The following BBS4 variants were observed in gnomAD, a reference collection of about 807,000 sequenced individuals.
BBS4 encodes the protein Bardet-Biedl syndrome 4, also known as BBSome complex member BBS4.
BBS4 carries 58 observed loss-of-function variants against 71.4 expected under a neutral mutation model. That is an observed-to-expected ratio of 0.81 (90% CI 0.66 to 1.01). The LOEUF is 1.01. Among genes scored for constraint, BBS4 ranks in the 50% least tolerant of loss-of-function variants. BBS4 has a pLI of 0.00. For missense variants in BBS4, 660 were observed against 607.9 expected (o/e 1.09, Z -0.90); for synonymous variants, 228 against 216.8 (o/e 1.05, Z -0.46).
At chr15:72,686,299 G>C (rs1369592021) in intron 1 of BBS4, 48 bp downstream of exon 1, 2 of 1,552,716 alleles carry the variant, frequency 1.3e-6, no homozygotes, top group African/African-American at 2.7e-5. Context: ...GGCAAGGCAA[G>C]CTGGCGGGTG....
At chr15:72,717,352 C>G (rs368705727) in intron 6 of BBS4, 2 of 153,160 alleles carry the variant, frequency 1.3e-5, no homozygotes, top group African/African-American at 4.8e-5. Context: ...ATTGGCTTTA[C>G]AAATTCGTTT....
At chr15:72,732,053 G>A (rs1450284606) in intron 12 of BBS4, among the ~76,000 whole-genome samples, 1 of 152,142 alleles carries the variant, frequency 6.6e-6, no homozygotes, top group South Asian at 2.1e-4. Context: ...CAAGTGTTAA[G>A]AGCTTGGGTT....
chr15:72,702,802 CTTTTTTTTTTTTT>C (rs59816410), intron 2 of BBS4, among the ~76,000 whole-genome samples: 1 of 73,486 alleles, frequency 1.4e-5, no homozygotes. Flanking sequence ...GGAGCTGACT[CTTTTTTTTTTTTT>C]TTTTTTTTTT....
chr15:72,692,444 T>G (rs2065002922), intron 1 of BBS4, among the ~76,000 whole-genome samples: 1 of 148,986 alleles, frequency 6.7e-6, no homozygotes. Flanking sequence ...GCCTCCCGAG[T>G]AGCTGAGACC....
At chr15:72,686,306 G>A in intron 1 of BBS4, 55 bp downstream of exon 1, 2 of 1,551,344 alleles carry the variant, frequency 1.3e-6, no homozygotes, top group Non-Finnish European at 1.7e-6. Context: ...CAAGCTGGCG[G>A]GTGGCTTTTG....
At chr15:72,704,930 G>A (rs973771086) in intron 2 of BBS4, among the ~76,000 whole-genome samples, 47 of 151,782 alleles carry the variant, frequency 3.1e-4, no homozygotes, top group East Asian at 2.9e-3. Flanking sequence ...CAAAAAAACA[G>A]CAACAATAAT....
chr15:72,736,679 C>T (rs1296227158), intron 14 of BBS4, 83 bp from the exon 15 acceptor site: 14 of 1,362,936 alleles, frequency 1.0e-5, no homozygotes, highest in African/African-American at 1.4e-5. Flanking sequence ...CAGCTAAAAC[C>T]CCAGCTCGAA....
rs141392671 is a variant in BBS4, at chr15:72,729,247, GTTTT to G, written c.643-353_643-350del. The stretch of plus-strand genomic sequence containing the variant: ...TGTTCTGGGTGAGGTTGGCCAGACT[GTTTT>G]TTTTTTTTTTTTTTTGGAGACGGAG... On this transcript the variant is annotated intron_variant, in intron 9 of 15. Transcript: ENST00000268057. Among the ~76,000 whole-genome samples the G allele has an allele frequency of 8.9e-4, 76 of 84,962 alleles. 1 individual carries two copies. The highest frequency in any genetic ancestry group is 2.6e-3 in the South Asian group (6 of 2,346). 55.7% of individuals were successfully genotyped at this position (84,962 alleles called of 152,430 possible). A position where few individuals can be genotyped will look rare whatever the true frequency, so the allele number is the denominator to read the frequency against.
chr15:72,735,120 G>T lies in BBS4; in HGVS notation c.1044G>T (p.Leu348=), dbSNP rs764816067. 6.2e-7 allele frequency: 1 copy of T among 1,613,384 alleles called. No homozygotes were observed. The highest frequency in any genetic ancestry group is 1.1e-5 in the South Asian group (1 of 91,028). ...GTGCTTTCTTTGTTGCAGTGGCTCT[G>T]ACCAATCTGGAAGATATAGAAAATG... ...GELYMLLAVA[L]TNLEDIENAK... The change falls in exon 13 of 16, where the codon CTG becomes CTT. Residue 348 remains leucine (L), a synonymous_variant. Transcript: ENST00000268057.
At chr15:72,686,429 T>A in intron 1 of BBS4, 178 bp downstream of exon 1, 1 of 1,533,934 alleles carries the variant, frequency 6.5e-7, no homozygotes, top group Non-Finnish European at 8.7e-7. Flanking sequence ...CTGGGGCAAG[T>A]CTGGATACTT....
intron 2 of BBS4, among the ~76,000 whole-genome samples, chr15:72,706,514 T>A (rs1384870145): frequency 1.3e-5 from 2 of 152,108 alleles, no homozygotes; most frequent in African/African-American, 4.8e-5. Context: ...CGTGTGGCTT[T>A]TTCGAAGGAG....
intron 6 of BBS4, among the ~76,000 whole-genome samples, chr15:72,718,280 ATTGTATTTTTAATTTCCAAAAATCTT>A (rs1336584003): frequency 6.6e-6 from 1 of 151,864 alleles, no homozygotes; most frequent in African/African-American, 2.4e-5. Flanking sequence ...ATTTCCTTTT[ATTGTATTTTTAATTTCCAAAAATCTT>A]GTCTTTTCTT....
intron 1 of BBS4, chr15:72,686,665 C>A: frequency 1.1e-6 from 1 of 928,152 alleles, no homozygotes; most frequent in Non-Finnish European, 1.5e-6. Context: ...GCCAGTGGAG[C>A]GGGACTGTGT....
rs780560947 is a variant in BBS4 at position 72,735,897 on chromosome 15, C to T, written c.1179C>T (p.Ala393=). ...AGGGCGAGAAGAAGAACGCCCTGGC[C>T]CAATATCAGGAGATGGAGAAGAAAG... The part of the protein sequence containing the change: ...YNQGEKKNAL[A]QYQEMEKKVS... The change falls in exon 14 of 16, where the codon GCC becomes GCT. Residue 393 remains alanine, a synonymous_variant. Transcript: ENST00000268057. The T allele has an allele frequency of 1.5e-5, 24 of 1,613,934 alleles. No homozygotes were observed. The Admixed American group carries it at 3.8e-4, about 26-fold the overall frequency.
intron 6 of BBS4, among the ~76,000 whole-genome samples, chr15:72,718,571 A>G (rs892761148): frequency 2.0e-5 from 3 of 152,236 alleles, no homozygotes; most frequent in Non-Finnish European, 4.4e-5. Context: ...TCTTCTGTAC[A>G]TCGGAAGATT....
chr15:72,691,062 A>G (rs1414227383), intron 1 of BBS4, among the ~76,000 whole-genome samples: 1 of 152,126 alleles, frequency 6.6e-6, no homozygotes, highest in Admixed American at 6.6e-5. Context: ...TCATTAACCA[A>G]ATGAGCCCCT....
At chr15:72,712,556 A>G (rs1326123593) in intron 4 of BBS4, among the ~76,000 whole-genome samples, 1 of 152,254 alleles carries the variant, frequency 6.6e-6, no homozygotes, top group Non-Finnish European at 1.5e-5. Flanking sequence ...CTCCCAGGCT[A>G]CAAACCTGTA....
chr15:72,723,651 A>T (rs900336492), intron 7 of BBS4, among the ~76,000 whole-genome samples: 1 of 152,228 alleles, frequency 6.6e-6, no homozygotes, highest in Non-Finnish European at 1.5e-5. Flanking sequence ...GTGAAAAAAA[A>T]TATGCACATT....
chr15:72,713,529 CT>C (rs955205953), intron 4 of BBS4, among the ~76,000 whole-genome samples: 2 of 151,926 alleles, frequency 1.3e-5, no homozygotes, highest in African/African-American at 2.4e-5. Context: ...GGCAGTTATT[CT>C]TTTTTTTAGT....
Sources: allele counts gnomAD v4.1 joint callset (sites outside exome capture counted in the v4.1 genomes callset), GRCh38; gene constraint gnomAD v4.1.1; transcripts MANE v1.5; gene names NCBI Gene and HGNC (gene_info 2026-07-23, HGNC 2026-07-21).